Variants in CHD5 observed in about 807,000 individuals in gnomAD.
CHD5 encodes the protein ATP-dependent chromatin remodeler CHD5.
A neutral mutation model predicts 230.3 loss-of-function variants in CHD5; 69 were observed. The observed-to-expected ratio is 0.30, with a 90% CI of 0.25 to 0.37. CHD5 has a LOEUF of 0.37. CHD5 is among the 10% of genes least tolerant of loss of function. The pLI is 1.00. For missense variants in CHD5, 1,827 were observed against 2,622.8 expected (o/e 0.70, Z 6.63); for synonymous variants, 1,064 against 1,065.9 (o/e 1.00, Z 0.03).
chr1:6,127,945 G>A, intron 25 of CHD5, 101 bp downstream of exon 25: 1 of 1,062,562 alleles, frequency 9.4e-7, no homozygotes, highest in Non-Finnish European at 1.3e-6. Flanking sequence ...GGCTGGCTGC[G>A]GCGGGAGGGC....
In CHD5 at chr1:6,146,388, G is replaced by A. The variant is rs1281822532; in HGVS notation, c.1626C>T (p.Tyr542=). The change falls in exon 11 of 42, where the codon TAC becomes TAT. Residue 542 remains tyrosine (Y), a synonymous_variant. Transcript: ENST00000262450. This position sits in a 1 kb window ranked among gnomAD's most constrained non-coding sequence, Gnocchi z 5.1. Reference sequence around the variant, plus strand: ...GCTCATCCATGTCGTTCTTTCTTTGGTAGTTGCGATACATCACCGTGTGGT... The same window carrying A: ...GCTCATCCATGTCGTTCTTTCTTTGATAGTTGCGATACATCACCGTGTGGT... ...ELYHTVMYRN[Y]QRKNDMDEPP... 2 of 1,614,142 alleles carry A rather than the reference G, an allele frequency of 1.2e-6. No homozygotes were observed. The highest frequency in any genetic ancestry group is 8.5e-7 in the Non-Finnish European group (1 of 1,180,018).
At chr1:6,160,696 C>T (rs1236053253) in intron 2 of CHD5, among the ~76,000 whole-genome samples, 4 of 152,270 alleles carry the variant, frequency 2.6e-5, no homozygotes, top group Non-Finnish European at 5.9e-5. Context: ...CCTTCCCCCT[C>T]TCCCACCCCA....
Position 6,179,998 on chromosome 1 carries a change from T to A in CHD5, c.26A>T (p.Glu9Val), listed in dbSNP as rs1336240806. Residue 9 changes from glutamate to valine, a missense_variant, in exon 1 of 42, where the codon GAG becomes GTG. Coordinates refer to ENST00000262450, the MANE Select transcript of CHD5 (RefSeq NM_015557.3). MRGPVGTE[E>V]ELPRLFAEEM... ...CTCGGCGAACAGCCGCGGCAGCTCCTCCTCGGTGCCCACTGGGCCCCGCAT... is the reference window on the plus strand; with the variant it reads ...CTCGGCGAACAGCCGCGGCAGCTCCACCTCGGTGCCCACTGGGCCCCGCAT... 9 of 1,384,232 alleles carry A rather than the reference T, an allele frequency of 6.5e-6. No homozygotes were observed. The Admixed American group carries it at 1.7e-4, about 27-fold the overall frequency. 85.7% of individuals were successfully genotyped at this position (1,384,232 alleles called of 1,614,324 possible). A position where few individuals can be genotyped will look rare whatever the true frequency, so the allele number is the denominator to read the frequency against.
chr1:6,108,788 G>A (rs570026871), intron 38 of CHD5, among the ~76,000 whole-genome samples: 3 of 149,976 alleles, frequency 2.0e-5, no homozygotes, highest in Non-Finnish European at 4.5e-5. Flanking sequence ...TGGAGGGATG[G>A]AAGGATGGAG....
chr1:6,106,134 A>G (rs1666159937), intron 41 of CHD5, 100 bp downstream of exon 41: 1 of 1,102,288 alleles, frequency 9.1e-7, no homozygotes, highest in Admixed American at 2.1e-5. Context: ...TCCAGGACTT[A>G]GGGACGGGAG....
chr1:6,176,653 A>C (rs1396362548), intron 1 of CHD5, among the ~76,000 whole-genome samples: 3 of 152,218 alleles, frequency 2.0e-5, no homozygotes. Context: ...CACCAGCCAC[A>C]GTTTATTGAG....
In CHD5 at chr1:6,121,130, C is replaced by T. The variant is rs529230678; in HGVS notation, c.4887G>A (p.Pro1629=). 22 of 1,609,990 alleles carry T rather than the reference C, an allele frequency of 1.4e-5. No homozygotes were observed. The highest frequency in any genetic ancestry group is 2.7e-5 in the African/African-American group (2 of 74,844). ...CTCTCGGCAGCTGCTCCGGGGAGGG[C>T]GGGGCCTTCTCCGTCTCCTCTGGCC... ...EERPEETEKA[P]PSPEQLPREE... Residue 1629 remains proline (P), a synonymous_variant, in exon 33 of 42, where the codon CCG becomes CCA. Coordinates refer to ENST00000262450, the MANE Select transcript of CHD5 (RefSeq NM_015557.3). The surrounding 1 kb of genome is among the most constrained non-coding windows in gnomAD (Gnocchi z 4.5).
chr1:6,138,358 C>T (rs1666776940), intron 15 of CHD5, among the ~76,000 whole-genome samples: 1 of 151,530 alleles, frequency 6.6e-6, no homozygotes, highest in Non-Finnish European at 1.5e-5. Context: ...GCCTGGGTGA[C>T]AGAGTGAGTC....
rs57722317 is a variant in CHD5 at position 6,172,292 on chromosome 1, C to T, written c.80-4015G>A. 4.5e-4 allele frequency among the ~76,000 whole-genome samples: 68 copies of T among 152,366 alleles called. 1 individual carries two copies. Among genetic ancestry groups the T allele is most frequent in the African/African-American group, 1.6e-3 (67 of 41,594 alleles). ...ATTAATTTGTATCAGTTCAACACAG[C>T]AACTCAGAGAGGGGTACTATTCTTT... On this transcript the variant is annotated intron_variant, in intron 1 of 41. Transcript: ENST00000262450.
intron 34 of CHD5, 111 bp from the exon 35 acceptor site, chr1:6,112,388 G>T: frequency 7.5e-7 from 1 of 1,325,762 alleles, no homozygotes; most frequent in Non-Finnish European, 1.1e-6. Context: ...ACATCCTCTT[G>T]TCCTCAGGGG....
In CHD5 at chr1:6,175,634, T is replaced by C. The variant is rs189871809; in HGVS notation, c.79+4311A>G. ...ATGGATGAATGAATGGTGGGAAGCA[T>C]GGACAGATAGTGCATGGATGAATAG... On this transcript the variant is annotated intron_variant, in intron 1 of 41. Transcript: ENST00000262450. Among the ~76,000 whole-genome samples the C allele has an allele frequency of 1.1e-3, 162 of 151,408 alleles. 1 individual carries two copies. Among genetic ancestry groups the C allele is most frequent in the Non-Finnish European group, 2.0e-3 (139 of 67,882 alleles).
chr1:6,134,362 G>A lies in CHD5; in HGVS notation c.3013-103C>T, dbSNP rs1666705274. ...ACAGACAAGTGCTGAGCAATGGGGT[G>A]ATGGCCTGTCTGCCCACTGAACATG... On this transcript the variant is annotated intron_variant, in intron 19 of 41. Transcript: ENST00000262450. The surrounding 1 kb of genome is among the most constrained non-coding windows in gnomAD (Gnocchi z 6.3). 3.6e-6 allele frequency: 5 copies of A among 1,375,018 alleles called. No homozygotes were observed. In the South Asian group the frequency reaches 6.3e-5, roughly 17 times the overall value. The allele number at this position is 1,375,018 out of a possible 1,614,324, so 85.2% of individuals were successfully genotyped here.
rs747078427 is a variant in CHD5, at chr1:6,121,557, C to G, written c.4716G>C (p.Gln1572His). 6 of 1,612,490 alleles carry G rather than the reference C, an allele frequency of 3.7e-6. No individual in the cohort carries two copies. In the African/African-American group the frequency reaches 6.7e-5, roughly 18 times the overall value. The change falls in exon 32 of 42, where the codon CAG (glutamine) becomes CAC (histidine). Residue 1572 changes from glutamine (Q) to histidine (H), a missense_variant. Around this residue, in one of 14 missense-constraint regions of CHD5, gnomAD observed 272 missense variants for 263.2 expected, o/e 1.03. Coordinates refer to ENST00000262450, the MANE Select transcript of CHD5 (RefSeq NM_015557.3). The surrounding 1 kb of genome is among the most constrained non-coding windows in gnomAD (Gnocchi z 4.5). ...PLGLPDKMEA[Q>H]LGYMDEKDPG... ...GGTCTTTCTCATCCATGTAGCCCAG[C>G]TGGGCTTCCATTTTGTCTGAAAGAT...
At chr1:6,162,399 AAAAGAAAAG>A (rs1167350368) in intron 2 of CHD5, among the ~76,000 whole-genome samples, 1 of 151,666 alleles carries the variant, frequency 6.6e-6, no homozygotes, top group African/African-American at 2.4e-5. Flanking sequence ...AAAAAAAAAG[AAAAGAAAAG>A]AAAGAAAAGA....
In CHD5 at chr1:6,148,923, G is replaced by C; in HGVS notation, c.1314C>G (p.Tyr438Ter). Reference protein sequence around the residue: ...LLCCDACPSSYHLHCLNPPLP... With the variant: ...LLCCDACPSS ...GCGGCGGGTTGAGGCAATGCAGGTG[G>C]TAGGAGGAGGGGCAGGCGTCGCAGC... Residue 438 changes from tyrosine to a stop codon, truncating the protein, a stop_gained, in exon 9 of 42, where the codon TAC (tyrosine) becomes TAG (stop). Coordinates refer to ENST00000262450, the MANE Select transcript of CHD5 (RefSeq NM_015557.3). LOFTEE classifies it high-confidence loss of function. 6.3e-7 allele frequency: 1 copy of C among 1,593,990 alleles called. No individual in the cohort carries two copies. The highest frequency in any genetic ancestry group is 8.5e-7 in the Non-Finnish European group (1 of 1,169,664).
chr1:6,150,833 T>G (rs956005395), intron 7 of CHD5, among the ~76,000 whole-genome samples, 199 bp downstream of exon 7: 1 of 152,084 alleles, frequency 6.6e-6, no homozygotes, highest in African/African-American at 2.4e-5. Context: ...CCCCAGACAG[T>G]AGAAACCAGG....
At position 6,131,601 on chromosome 1, in the gene CHD5, A is replaced by C; in HGVS notation, c.3262+30T>G. ...GGAGAAGAGGCCAAAAAGGAGTCTC[A>C]ATCAGAACCCTTGGGCAGGATGGGG... On this transcript the variant is annotated intron_variant, in intron 21 of 41. Transcript: ENST00000262450. The surrounding 1 kb of genome is among the most constrained non-coding windows in gnomAD (Gnocchi z 5.0). 1 of 1,377,306 alleles carries C rather than the reference A, an allele frequency of 7.3e-7. No individual in the cohort carries two copies. Among genetic ancestry groups the C allele is most frequent in the Non-Finnish European group, 1.0e-6 (1 of 966,736 alleles). 85.3% of individuals were successfully genotyped at this position (1,377,306 alleles called of 1,614,324 possible).
intron 30 of CHD5, 135 bp downstream of exon 30, chr1:6,124,382 T>C: frequency 9.7e-6 from 10 of 1,027,156 alleles, no homozygotes; most frequent in Non-Finnish European, 1.0e-5. Context: ...GGTCAGTCCC[T>C]CTGGAGTGAC....
At chr1:6,178,675 CCTGT>C (rs979674980) in intron 1 of CHD5, among the ~76,000 whole-genome samples, 7 of 152,238 alleles carry the variant, frequency 4.6e-5, no homozygotes, top group South Asian at 2.1e-4. Context: ...GCCAACTTGG[CCTGT>C]CTAACAGGCG....
Sources: allele counts gnomAD v4.1 joint callset (sites outside exome capture counted in the v4.1 genomes callset), GRCh38; gene constraint gnomAD v4.1.1; regional missense constraint gnomAD v4.1.1; non-coding constraint Gnocchi (gnomAD v3.1); transcripts MANE v1.5; gene names NCBI Gene and HGNC (gene_info 2026-07-23, HGNC 2026-07-21).